Variants in MRPS6 observed in about 807,000 individuals in gnomAD.
MRPS6 encodes the protein small ribosomal subunit protein bS6m.
A neutral mutation model predicts 13.1 loss-of-function variants in MRPS6; 6 were observed. The observed-to-expected ratio is 0.46, with a 90% CI of 0.25 to 0.91. The LOEUF is 0.91. Among genes scored for constraint, MRPS6 ranks in the 40% least tolerant of loss-of-function variants. The pLI, the probability that MRPS6 is intolerant of heterozygous loss-of-function variation, is 0.18. For synonymous variants in MRPS6, 61 were observed against 56.5 expected (o/e 1.08, Z -0.36); for missense variants, 164 against 155.6 (o/e 1.05, Z -0.29).
At chr21:34,097,457 G>A in intron 1 of MRPS6, 1 of 1,458,540 alleles carries the variant, frequency 6.9e-7, no homozygotes, top group Non-Finnish European at 9.0e-7. Context: ...TTACGCTGTA[G>A]GTTTTAGCCA....
chr21:34,098,286 A>C, intron 1 of MRPS6: 1 of 1,000,064 alleles, frequency 1.0e-6, no homozygotes, highest in Non-Finnish European at 1.2e-6. Context: ...TTATTAGCCA[A>C]ATGCCTTCCT....
chr21:34,097,819 A>T (rs1219671638), intron 1 of MRPS6: 2 of 998,898 alleles, frequency 2.0e-6, no homozygotes, highest in Non-Finnish European at 2.4e-6. Context: ...TCAGTTATGT[A>T]CTGAAAATCG....
At position 34,136,154 on chromosome 21, in the gene MRPS6, CT is replaced by C. The variant is rs772731433; in HGVS notation, c.186-6243del. The C allele has an allele frequency of 8.8e-3, 1,370 of 155,834 alleles. 3 individuals are homozygous for C. The highest frequency in any genetic ancestry group is 0.017 in the South Asian group (93 of 5,594). The allele number at this position is 155,834 out of a possible 1,614,324, so 9.7% of individuals were successfully genotyped here. The stretch of plus-strand genomic sequence containing the variant: ...AGTGCCAGTTTTTCTTTTCTTTTTT[CT>C]TTTTTTTTTTGAGACGGAGTCTTGC... On this transcript the variant is annotated intron_variant, in intron 2 of 2. Transcript: ENST00000399312.
At chr21:34,116,595 G>A (rs1206179034) in intron 1 of MRPS6, among the ~76,000 whole-genome samples, 1 of 64,532 alleles carries the variant, frequency 1.5e-5, no homozygotes, top group Non-Finnish European at 2.9e-5. Flanking sequence ...TAGAATGCTG[G>A]GTGTGTCCTG....
At chr21:34,091,402 T>A (rs558017608) in intron 1 of MRPS6, among the ~76,000 whole-genome samples, 63 of 152,314 alleles carry the variant, frequency 4.1e-4, no homozygotes, top group African/African-American at 1.5e-3. Context: ...TCCTGCTGTT[T>A]ACATATAGTT....
intron 1 of MRPS6, among the ~76,000 whole-genome samples, chr21:34,075,126 T>C (rs1989295703): frequency 6.6e-6 from 1 of 152,230 alleles, no homozygotes. Flanking sequence ...GGGAAGATTT[T>C]TAATTAGGTG....
At chr21:34,122,409 GAATGTGGCCA>G in intron 1 of MRPS6, 1 of 152,212 alleles carries the variant, frequency 6.6e-6, no homozygotes, top group South Asian at 2.1e-4. Context: ...AAAGTGAGAT[GAATGTGGCCA>G]TTCCAGTAGT....
In MRPS6 at chr21:34,074,741, G is replaced by T. The variant is rs531410729; in HGVS notation, c.45+996G>T. ...ACCACGTCCGAACTTTGTAAGCACAGCTTCCTACAGCGCTAGAGGAGTGGA... is the reference window on the plus strand; with the variant it reads ...ACCACGTCCGAACTTTGTAAGCACATCTTCCTACAGCGCTAGAGGAGTGGA... On this transcript the variant is annotated intron_variant, in intron 1 of 2. Transcript: ENST00000399312. 3.0e-4 allele frequency among the ~76,000 whole-genome samples: 46 copies of T among 152,366 alleles called. No homozygotes were observed. The South Asian group carries it at 9.3e-3, about 31-fold the overall frequency.
At chr21:34,111,240 T>G (rs538541552) in intron 1 of MRPS6, among the ~76,000 whole-genome samples, 1 of 152,286 alleles carries the variant, frequency 6.6e-6, no homozygotes, top group East Asian at 1.9e-4. Context: ...CATATATGGA[T>G]TCCATGATTA....
At chr21:34,135,831 A>G in intron 2 of MRPS6, 2 of 553,582 alleles carry the variant, frequency 3.6e-6, no homozygotes, top group East Asian at 4.2e-5. Flanking sequence ...TCATGGAGTT[A>G]GTGAGGGACT....
chr21:34,086,020 G>A (rs1292200829), intron 1 of MRPS6, among the ~76,000 whole-genome samples: 3 of 152,160 alleles, frequency 2.0e-5, no homozygotes, highest in Non-Finnish European at 4.4e-5. Context: ...AGTTCTGGTT[G>A]ACTCTGAATC....
intron 1 of MRPS6, among the ~76,000 whole-genome samples, chr21:34,082,055 GTT>G (rs11327535): frequency 7.7e-5 from 11 of 143,602 alleles, no homozygotes; most frequent in African/African-American, 2.3e-4. Context: ...AGGAAATCTG[GTT>G]TTTTTTTTTT....
At chr21:34,114,472 G>C (rs1310696994) in intron 1 of MRPS6, among the ~76,000 whole-genome samples, 2 of 152,078 alleles carry the variant, frequency 1.3e-5, no homozygotes, top group Admixed American at 1.3e-4. Context: ...TCTCACATTT[G>C]TTTGCACCTG....
chr21:34,098,032 T>C (rs1288196561), intron 1 of MRPS6: 3 of 998,986 alleles, frequency 3.0e-6, no homozygotes, highest in Admixed American at 6.2e-5. Flanking sequence ...AAGTGAACCA[T>C]ACTGAAATGA....
intron 2 of MRPS6, among the ~76,000 whole-genome samples, chr21:34,132,587 T>C (rs1980544303): frequency 6.6e-6 from 1 of 152,208 alleles, no homozygotes; most frequent in African/African-American, 2.4e-5. Flanking sequence ...CTAGGTTTTC[T>C]CTTTATCCTT....
intron 1 of MRPS6, among the ~76,000 whole-genome samples, chr21:34,077,589 A>G (rs781404124): frequency 1.3e-5 from 2 of 152,202 alleles, no homozygotes; most frequent in African/African-American, 4.8e-5. Flanking sequence ...ATATATCTTC[A>G]TATGTTTTTC....
intron 1 of MRPS6, among the ~76,000 whole-genome samples, chr21:34,082,279 A>G (rs182730787): frequency 3.3e-5 from 5 of 152,254 alleles, no homozygotes; most frequent in Non-Finnish European, 5.9e-5. Flanking sequence ...GGCATATTCA[A>G]TTCTTGAAAG....
intron 1 of MRPS6, among the ~76,000 whole-genome samples, chr21:34,084,195 A>G (rs528661129): frequency 2.6e-4 from 39 of 152,346 alleles, no homozygotes; most frequent in African/African-American, 8.4e-4. Context: ...CCAACTGAAA[A>G]GTATCTTTCA....
intron 1 of MRPS6, among the ~76,000 whole-genome samples, chr21:34,079,939 C>T (rs1332655372): frequency 2.6e-5 from 4 of 152,090 alleles, no homozygotes; most frequent in Admixed American, 6.6e-5. Flanking sequence ...TTCTGTTTAT[C>T]GCTTCTCTGT....
Sources: gnomAD v4.1 joint callset for allele counts (sites outside exome capture counted in the v4.1 genomes callset) on GRCh38, gnomAD v4.1.1 for gene constraint, MANE v1.5 for transcripts, NCBI Gene and HGNC (gene_info 2026-07-23, HGNC 2026-07-21) for gene names.